The following ERBB2 variants were observed in gnomAD, a reference collection of about 807,000 sequenced individuals.
ERBB2 encodes erb-b2 receptor tyrosine kinase 2.
Under a neutral mutation model 149.0 loss-of-function variants are expected in ERBB2, and 61 were observed. The observed-to-expected ratio is 0.41, with a 90% confidence interval of 0.33 to 0.51. The LOEUF is 0.51. Ranked by LOEUF, ERBB2 falls within the 20% of genes least tolerant of loss-of-function variation. The probability of loss-of-function intolerance (pLI) is 0.25; values close to 1 mark genes in which losing one functional copy is unlikely to be tolerated. For synonymous variants in ERBB2, 633 were observed against 678.8 expected (o/e 0.93, Z 1.05); for missense variants, 1,205 against 1,655.1 (o/e 0.73, Z 4.72).
chr17:39,697,354 G>T (rs147938237), upstream of ERBB2, among the ~76,000 whole-genome samples: 6,672 of 121,666 alleles, frequency 0.055, 267 homozygotes, highest in African/African-American at 0.11. Flanking sequence ...TTTTTGTTTT[G>T]TTTTTTTTTT....
chr17:39,711,074 A>G (rs1356690982), intron 7 of ERBB2, among the ~76,000 whole-genome samples: 1 of 151,750 alleles, frequency 6.6e-6, no homozygotes, highest in East Asian at 1.9e-4. Context: ...TAAATTTTGT[A>G]TTTTTAGTAG....
At chr17:39,700,028 GAGGA>G, upstream of ERBB2, 1 of 1,269,122 alleles carries the variant, frequency 7.9e-7, no homozygotes, top group Non-Finnish European at 9.9e-7. Context: ...AGGGCTGCTT[GAGGA>G]AGTATAAGAA....
rs566910530 is a variant in ERBB2 at position 39,700,211 on chromosome 17, C to T, written c.-28C>T. ...CCCTCCCAGCCGGGTCCAGCCGGAG[C>T]CATGGGGCCGGAGCCGCAGTGAGCA... is the stretch of plus-strand genomic sequence containing the variant. On this transcript the variant is annotated 5_prime_UTR_variant, in exon 1 of 27. Coordinates refer to ENST00000269571, the MANE Select transcript of ERBB2 (RefSeq NM_004448.4). The T allele has an allele frequency of 7.7e-6, 11 of 1,428,344 alleles. No homozygotes were observed. Among genetic ancestry groups the T allele is most frequent in the South Asian group, 1.4e-5 (1 of 69,172 alleles). 88.5% of individuals were successfully genotyped at this position (1,428,344 alleles called of 1,614,324 possible). A position where few individuals can be genotyped will look rare whatever the true frequency, so the allele number is the denominator to read the frequency against.
At position 39,700,132 on chromosome 17, in the gene ERBB2, C is replaced by T. The variant is rs2057994193; in HGVS notation, c.-107C>T. 2 of 1,309,534 alleles carry T rather than the reference C, an allele frequency of 1.5e-6. No homozygotes were observed. The highest frequency in any genetic ancestry group is 9.7e-7 in the Non-Finnish European group (1 of 1,035,324). 81.1% of individuals were successfully genotyped at this position (1,309,534 alleles called of 1,614,324 possible). Reference sequence around the variant, plus strand: ...GCCGCGCGCCCCTTCCCACGGGGCCCTTTACTGCGCCGCGCGCCCGGCCCC... The same window carrying T: ...GCCGCGCGCCCCTTCCCACGGGGCCTTTTACTGCGCCGCGCGCCCGGCCCC... On this transcript the variant is annotated 5_prime_UTR_variant, in exon 1 of 27. Transcript: ENST00000269571.
upstream of ERBB2, among the ~76,000 whole-genome samples, chr17:39,694,021 A>G (rs894546004): frequency 3.4e-5 from 5 of 147,512 alleles, no homozygotes; most frequent in Non-Finnish European, 4.5e-5. Context: ...CGCTGCCTCT[A>G]TCAAAAATAC....
upstream of ERBB2, chr17:39,699,602 T>C (rs1388316458): frequency 5.1e-6 from 7 of 1,382,388 alleles, no homozygotes; most frequent in East Asian, 5.0e-5. Context: ...ACACAACACA[T>C]CCCCCTCCTT....
At position 39,725,452 on chromosome 17, in the gene ERBB2, G is replaced by A; in HGVS notation, c.2725+50G>A. On this transcript the variant is annotated intron_variant, in intron 22 of 26. Coordinates refer to ENST00000269571, the MANE Select transcript of ERBB2 (RefSeq NM_004448.4). This position sits in a 1 kb window ranked among gnomAD's most constrained non-coding sequence, Gnocchi z 4.6. ...GGGTGGGTGAGGAGCCATGGCTGGAGGGAGGATGAGAGCTGGGATGGGGAG... is the reference window on the plus strand; with the variant it reads ...GGGTGGGTGAGGAGCCATGGCTGGAAGGAGGATGAGAGCTGGGATGGGGAG... The A allele has an allele frequency of 6.4e-7, 1 of 1,568,160 alleles. No homozygotes were observed.
upstream of ERBB2, among the ~76,000 whole-genome samples, chr17:39,691,574 T>TATATATATATATATATATATACAC (rs1244087250): frequency 2.5e-5 from 3 of 122,046 alleles, no homozygotes; most frequent in African/African-American, 1.2e-4. Context: ...TATATATATA[T>TATATATATATATATATATATACAC]ACACACACAC....
At position 39,727,717 on chromosome 17, in the gene ERBB2, C is replaced by A. The variant is rs112561362; in HGVS notation, c.3441C>A (p.Pro1147=). ...ATGTGAACCAGCCAGATGTTCGGCC[C>A]CAGCCCCCTTCGCCCCGAGAGGGCC... is the stretch of plus-strand genomic sequence containing the variant. The part of the protein sequence containing the change: ...PEYVNQPDVR[P]QPPSPREGPL... The change falls in exon 27 of 27, where the codon CCC becomes CCA. Residue 1147 remains proline (P), a synonymous_variant. Coordinates refer to ENST00000269571, the MANE Select transcript of ERBB2 (RefSeq NM_004448.4). The surrounding 1 kb of genome is among the most constrained non-coding windows in gnomAD (Gnocchi z 4.3). 5 of 1,567,572 alleles carry A rather than the reference C, an allele frequency of 3.2e-6. No homozygotes were observed. The highest frequency in any genetic ancestry group is 2.7e-5 in the African/African-American group (2 of 73,738).
intron 1 of ERBB2, chr17:39,703,529 C>T (rs1411975445): frequency 1.3e-5 from 2 of 152,246 alleles, no homozygotes; most frequent in Admixed American, 1.3e-4. Flanking sequence ...TTACAGATGG[C>T]TGCGCAATTC....
At chr17:39,710,603 C>CG (rs748130808) in intron 7 of ERBB2, 122 bp downstream of exon 7, 6 of 1,180,514 alleles carry the variant, frequency 5.1e-6, no homozygotes, top group Non-Finnish European at 7.2e-6. Context: ...CAGTTCCTGC[C>CG]GAGCTGCCTT....
chr17:39,703,586 T>C (rs1360632734), intron 1 of ERBB2, among the ~76,000 whole-genome samples: 1 of 152,256 alleles, frequency 6.6e-6, no homozygotes, highest in Admixed American at 6.5e-5. Flanking sequence ...GAGTAAGAGC[T>C]GTTACAGCCA....
chr17:39,726,769 G>A lies in ERBB2; in HGVS notation c.2971-46G>A, dbSNP rs371178334. On this transcript the variant is annotated intron_variant, in intron 24 of 26. Coordinates refer to ENST00000269571, the MANE Select transcript of ERBB2 (RefSeq NM_004448.4). The surrounding 1 kb of genome is among the most constrained non-coding windows in gnomAD (Gnocchi z 5.1). ...CCAGGCCCCTCACGGAAGGCTGCAT[G>A]CTGGGCTGGGGAGGGGCCACCATCC... 1.3e-6 allele frequency: 2 copies of A among 1,597,970 alleles called. No homozygotes were observed. The highest frequency in any genetic ancestry group is 1.7e-6 in the Non-Finnish European group (2 of 1,165,880).
Position 39,723,834 on chromosome 17 carries a change from G to C in ERBB2, c.2209-78G>C, listed in dbSNP as rs2145821723. 6.7e-7 allele frequency: 1 copy of C among 1,493,700 alleles called. No individual in the cohort carries two copies. Among genetic ancestry groups the C allele is most frequent in the East Asian group, 2.3e-5 (1 of 44,248 alleles). 92.5% of individuals were successfully genotyped at this position (1,493,700 alleles called of 1,614,324 possible). ...CTAGGGTGGTGAAGGATGTTTGGAG[G>C]ACAAGTAATGATCTCCTGGAAGGCA... On this transcript the variant is annotated intron_variant, in intron 18 of 26. Coordinates refer to ENST00000269571, the MANE Select transcript of ERBB2 (RefSeq NM_004448.4). This position sits in a 1 kb window ranked among gnomAD's most constrained non-coding sequence, Gnocchi z 6.2.
chr17:39,717,527 G>A (rs2145715426), intron 15 of ERBB2, 47 bp downstream of exon 15: 1 of 1,516,306 alleles, frequency 6.6e-7, no homozygotes, highest in Non-Finnish European at 9.0e-7. Context: ...TTCCTTTCAG[G>A]GGTCTTTCTG....
intron 2 of ERBB2, 42 bp from the exon 3 acceptor site, chr17:39,708,279 G>A (rs2058580933): frequency 6.5e-7 from 1 of 1,536,210 alleles, no homozygotes; most frequent in Non-Finnish European, 9.0e-7. Context: ...CTGGGGGGTG[G>A]CAGTGTTCCT....
chr17:39,708,112 C>T, intron 2 of ERBB2: 2 of 497,584 alleles, frequency 4.0e-6, no homozygotes, highest in South Asian at 3.6e-5. Flanking sequence ...AATGCCCCCC[C>T]ACCATTATCT....
Position 39,726,749 on chromosome 17 carries a change from C to T in ERBB2, c.2971-66C>T, listed in dbSNP as rs1597890208. On this transcript the variant is annotated intron_variant, in intron 24 of 26. Coordinates refer to ENST00000269571, the MANE Select transcript of ERBB2 (RefSeq NM_004448.4). This position sits in a 1 kb window ranked among gnomAD's most constrained non-coding sequence, Gnocchi z 5.1. Reference sequence around the variant, plus strand: ...GGAGAGATGAGTCCAGTATGCCAGGCCCCTCACGGAAGGCTGCATGCTGGG... The same window carrying T: ...GGAGAGATGAGTCCAGTATGCCAGGTCCCTCACGGAAGGCTGCATGCTGGG... The T allele has an allele frequency of 6.3e-7, 1 of 1,585,884 alleles. No individual in the cohort carries two copies. The highest frequency in any genetic ancestry group is 8.7e-7 in the Non-Finnish European group (1 of 1,154,602).
intron 1 of ERBB2, 100 bp downstream of exon 1, chr17:39,700,411 G>A: frequency 1.0e-6 from 1 of 1,000,464 alleles, no homozygotes; most frequent in Non-Finnish European, 1.3e-6. Context: ...GGGCCCGGAC[G>A]AGCTCTCCTA....
Sources: allele counts gnomAD v4.1 joint callset (sites outside exome capture counted in the v4.1 genomes callset), GRCh38; gene constraint gnomAD v4.1.1; non-coding constraint Gnocchi (gnomAD v3.1); transcripts MANE v1.5; gene names NCBI Gene and HGNC (gene_info 2026-07-23, HGNC 2026-07-21).